The following PHF21A variants were observed in gnomAD, a reference collection of about 807,000 sequenced individuals.
PHF21A encodes BHC80a.
Under a neutral mutation model 82.5 loss-of-function variants are expected in PHF21A, and 11 were observed. The observed-to-expected ratio is 0.13, with a 90% CI of 0.08 to 0.22. The LOEUF (loss-of-function observed/expected upper bound fraction) is 0.22. PHF21A is among the 10% of genes least tolerant of loss of function. PHF21A has a pLI of 1.00. For synonymous variants in PHF21A, 297 were observed against 302.8 expected (o/e 0.98, Z 0.20); for missense variants, 579 against 837.8 (o/e 0.69, Z 3.81).
chr11:46,079,851 G>A (rs1406426625), intron 4 of PHF21A, among the ~76,000 whole-genome samples: 1 of 148,862 alleles, frequency 6.7e-6, no homozygotes, highest in East Asian at 2.0e-4. Flanking sequence ...GGAAAGGAAA[G>A]AGGAAAGGAA....
intron 10 of PHF21A, 53 bp from the exon 11 acceptor site, chr11:45,953,678 T>A: frequency 1.7e-6 from 2 of 1,153,364 alleles, no homozygotes; most frequent in Non-Finnish European, 1.3e-6. Context: ...ATTAAAAGGA[T>A]GAAGCAATCA....
chr11:46,041,227 C>A (rs956831010), intron 6 of PHF21A, among the ~76,000 whole-genome samples: 1 of 152,042 alleles, frequency 6.6e-6, no homozygotes, highest in Non-Finnish European at 1.5e-5. Flanking sequence ...TTTCTCAATA[C>A]ACACAAATGC....
chr11:46,088,986 C>T (rs143746782), intron 3 of PHF21A, among the ~76,000 whole-genome samples: 68 of 152,172 alleles, frequency 4.5e-4, no homozygotes, highest in African/African-American at 1.6e-3. Flanking sequence ...AACCTTTTTC[C>T]AATCAAAACT....
intron 3 of PHF21A, among the ~76,000 whole-genome samples, chr11:46,085,659 C>A (rs2096848093): frequency 6.6e-6 from 1 of 152,120 alleles, no homozygotes; most frequent in African/African-American, 2.4e-5. Context: ...GTTAGAGGAA[C>A]CACTACTCCT....
At chr11:46,088,078 G>A (rs1487967286) in intron 3 of PHF21A, among the ~76,000 whole-genome samples, 1 of 152,122 alleles carries the variant, frequency 6.6e-6, no homozygotes, top group Non-Finnish European at 1.5e-5. Context: ...TTGAGGTCTT[G>A]GACATCTCAT....
intron 3 of PHF21A, among the ~76,000 whole-genome samples, chr11:46,089,366 T>A (rs1312216123): frequency 6.6e-6 from 1 of 152,174 alleles, no homozygotes; most frequent in Non-Finnish European, 1.5e-5. Flanking sequence ...AATAATAAAA[T>A]TCTTTTAATA....
Position 45,983,622 on chromosome 11 carries a change from A to G in PHF21A, c.154-3656T>C, listed in dbSNP as rs143434210. Among the ~76,000 whole-genome samples the G allele has an allele frequency of 6.2e-3, 941 of 152,330 alleles. 5 individuals carry two copies. Among genetic ancestry groups the G allele is most frequent in the Middle Eastern group, 0.027 (8 of 294 alleles). Reference sequence around the variant, plus strand: ...GAGCTCTGCAGCAGAGGTGCTCCTTAGGTGTGGAGGCCCTGCAGGCTCTTC... The same window carrying G: ...GAGCTCTGCAGCAGAGGTGCTCCTTGGGTGTGGAGGCCCTGCAGGCTCTTC... On this transcript the variant is annotated intron_variant, in intron 6 of 18. Transcript: ENST00000676320.
intron 6 of PHF21A, among the ~76,000 whole-genome samples, chr11:45,991,627 G>A (rs576684526): frequency 6.6e-6 from 1 of 152,062 alleles, no homozygotes. Context: ...TAAGTAGAGA[G>A]GCAGTATTGT....
intron 6 of PHF21A, among the ~76,000 whole-genome samples, chr11:46,019,499 A>C (rs2095587919): frequency 6.6e-6 from 1 of 152,192 alleles, no homozygotes; most frequent in African/African-American, 2.4e-5. Context: ...AAAAGCAGGG[A>C]TCAGAGGAAT....
chr11:45,974,707 C>T (rs1214033825), intron 7 of PHF21A, among the ~76,000 whole-genome samples: 1 of 152,058 alleles, frequency 6.6e-6, no homozygotes, highest in East Asian at 1.9e-4. Context: ...CCCACATCGG[C>T]CTCCCAAAGT....
intron 6 of PHF21A, among the ~76,000 whole-genome samples, chr11:46,030,784 G>A (rs769917277): frequency 2.0e-5 from 3 of 149,384 alleles, no homozygotes; most frequent in Non-Finnish European, 4.4e-5. Flanking sequence ...AGAAGGTGAC[G>A]ATCATTTCTT....
At chr11:46,084,373 T>C (rs1371863638) in intron 3 of PHF21A, 71 bp from the exon 4 acceptor site, 3 of 529,164 alleles carry the variant, frequency 5.7e-6, no homozygotes, top group Non-Finnish European at 6.3e-6. Context: ...AAATAAATTA[T>C]GTTAGTAAAA....
chr11:45,991,273 A>AT lies in PHF21A; in HGVS notation c.154-11308dup, dbSNP rs375993601. Among the ~76,000 whole-genome samples the AT allele has an allele frequency of 7.0e-3, 1,070 of 152,014 alleles. 10 individuals carry two copies. Among genetic ancestry groups the AT allele is most frequent in the African/African-American group, 0.025 (1,019 of 41,514 alleles). On this transcript the variant is annotated intron_variant, in intron 6 of 18. Transcript: ENST00000676320. ...CTGAATGTATCACAGTAGTACCTTG[A>AT]TTTTTTCCATATGGTCTAATGTAGT...
chr11:46,018,966 A>G (rs1163829812), intron 6 of PHF21A, among the ~76,000 whole-genome samples: 1 of 152,212 alleles, frequency 6.6e-6, no homozygotes, highest in Non-Finnish European at 1.5e-5. Flanking sequence ...GCAAGAACAC[A>G]CACATCATGT....
chr11:46,065,650 G>A (rs1463877820), intron 6 of PHF21A, among the ~76,000 whole-genome samples: 1 of 152,200 alleles, frequency 6.6e-6, no homozygotes, highest in East Asian at 1.9e-4. Flanking sequence ...TACAGTTGAG[G>A]AAACCAGCTC....
At chr11:46,006,489 T>C (rs1287855035) in intron 6 of PHF21A, among the ~76,000 whole-genome samples, 6 of 152,236 alleles carry the variant, frequency 3.9e-5, no homozygotes, top group Non-Finnish European at 8.8e-5. Context: ...CAAATCACGC[T>C]ATATAAATAA....
intron 10 of PHF21A, among the ~76,000 whole-genome samples, chr11:45,957,043 T>A (rs1236592534): frequency 2.0e-5 from 3 of 152,158 alleles, no homozygotes; most frequent in African/African-American, 7.2e-5. Context: ...AAGAACCTCA[T>A]TATATAATAT....
chr11:46,079,952 C>T lies in PHF21A; in HGVS notation c.55-786G>A, dbSNP rs953318839. Among the ~76,000 whole-genome samples the T allele has an allele frequency of 1.1e-4, 17 of 152,134 alleles. 1 individual carries two copies. In the East Asian group the frequency reaches 1.5e-3, roughly 14 times the overall value. ...GACCTAACCCAACTTCTAAAGACAT[C>T]GCTGCCCAAAGTTAACAATAACCAT... On this transcript the variant is annotated intron_variant, in intron 4 of 18. Transcript: ENST00000676320.
At chr11:45,983,462 G>A (rs1323061732) in intron 6 of PHF21A, among the ~76,000 whole-genome samples, 8 of 152,004 alleles carry the variant, frequency 5.3e-5, no homozygotes, top group African/African-American at 9.7e-5. Context: ...AGAATACTGC[G>A]TGTGTGGTTA....
Sources: gnomAD v4.1 joint callset for allele counts (sites outside exome capture counted in the v4.1 genomes callset) on GRCh38, gnomAD v4.1.1 for gene constraint, MANE v1.5 for transcripts, NCBI Gene and HGNC (gene_info 2026-07-23, HGNC 2026-07-21) for gene names.